EPRS1: variants seen among roughly 807,000 people sequenced by gnomAD.
EPRS1 encodes bifunctional glutamate/proline--tRNA ligase.
A neutral mutation model predicts 188.3 loss-of-function variants in EPRS1; 107 were observed. The ratio of observed to expected loss-of-function variants is 0.57; its 90% CI spans 0.49 to 0.67. EPRS1 has a LOEUF of 0.67. EPRS1 is among the 30% of genes least tolerant of loss of function. The probability of loss-of-function intolerance (pLI) is 0.00; values close to 1 mark genes in which losing one functional copy is unlikely to be tolerated. For missense variants in EPRS1, 1,577 were observed against 1,802.2 expected, an observed-to-expected ratio of 0.88 and a Z score of 2.26; for synonymous variants, 596 against 593.1, an observed-to-expected ratio of 1.00 and a Z score of -0.07.
chr1:219,983,123 A>C (rs1030607387), intron 22 of EPRS1, 66 bp downstream of exon 22: 3 of 1,347,890 alleles, frequency 2.2e-6, no homozygotes, highest in East Asian at 2.3e-5. Context: ...GGTTGTTAAA[A>C]GTTGAAAATA....
At chr1:219,976,488 G>A (rs953900613) in intron 28 of EPRS1, among the ~76,000 whole-genome samples, 3 of 152,214 alleles carry the variant, frequency 2.0e-5, no homozygotes, top group Admixed American at 6.5e-5. Flanking sequence ...AGGAGAATAT[G>A]TTGGTTGTAC....
At chr1:219,987,526 G>A in intron 19 of EPRS1, 122 bp from the exon 20 acceptor site, 1 of 794,056 alleles carries the variant, frequency 1.3e-6, no homozygotes, top group Non-Finnish European at 1.9e-6. Context: ...CACGGGGAAT[G>A]TGCCCAGGTG....
In EPRS1 at chr1:220,017,326, C is replaced by T. The variant is rs114214429; in HGVS notation, c.1494+1123G>A. On this transcript the variant is annotated intron_variant, in intron 12 of 31. Coordinates refer to ENST00000366923, the MANE Select transcript of EPRS1 (RefSeq NM_004446.3). ...GAGAGGAATGTGTTGTTCATCTTAA[C>T]AGACCCTACAGAACTATTTGACTAT... Among the ~76,000 whole-genome samples, 815 of 152,290 alleles carry T rather than the reference C, an allele frequency of 5.4e-3. 7 individuals carry two copies. The highest frequency in any genetic ancestry group is 0.019 in the African/African-American group (791 of 41,562).
At chr1:219,980,708 G>T in intron 25 of EPRS1, 48 bp downstream of exon 25, 1 of 1,365,770 alleles carries the variant, frequency 7.3e-7, no homozygotes, top group Non-Finnish European at 1.0e-6. Context: ...TGCAGAACCT[G>T]AACAAAAATA....
Position 220,022,478 on chromosome 1 carries a change from T to A in EPRS1, c.984A>T (p.Lys328Asn). The A allele has an allele frequency of 6.2e-7, 1 of 1,612,404 alleles. No homozygotes were observed. Among genetic ancestry groups the A allele is most frequent in the East Asian group, 2.2e-5 (1 of 44,806 alleles). Residue 328 changes from lysine to asparagine, a missense_variant, in exon 9 of 32, where the codon AAA becomes AAT. Around this residue, in one of 3 missense-constraint regions of EPRS1, gnomAD observed 1,278 missense variants for 1,457.4 expected, o/e 0.88. Coordinates refer to ENST00000366923, the MANE Select transcript of EPRS1 (RefSeq NM_004446.3). ...KNLQMWEEMK[K>N]GSQFGQSCCL... ...AACAGGACTGACCAAACTGGCTCCC[T>A]TTTTTCATTTCTTCCCACATTTGTA...
chr1:220,017,488 T>C (rs1661744393), intron 12 of EPRS1, among the ~76,000 whole-genome samples: 1 of 152,220 alleles, frequency 6.6e-6, no homozygotes, highest in African/African-American at 2.4e-5. Context: ...TTATTATTAG[T>C]AACTGCAGCA....
chr1:219,982,747 C>G, intron 23 of EPRS1, 25 bp downstream of exon 23: 2 of 1,592,180 alleles, frequency 1.3e-6, no homozygotes, highest in Non-Finnish European at 1.7e-6. Context: ...TGAGCATTCT[C>G]TTGCACTCCA....
chr1:220,036,125 G>A (rs376727556), intron 2 of EPRS1, among the ~76,000 whole-genome samples: 7 of 152,122 alleles, frequency 4.6e-5, no homozygotes, highest in Non-Finnish European at 7.4e-5. Context: ...GCTTGAACCC[G>A]GGAAGTGGAG....
intron 15 of EPRS1, 126 bp downstream of exon 15, chr1:220,005,980 A>T (rs2647420): frequency 0.81 from 439,936 of 542,448 alleles, 179,172 homozygotes; most frequent in East Asian, 0.92. Context: ...AACTTACATC[A>T]TTTGATTTAA....
At chr1:220,019,887 C>T in intron 10 of EPRS1, 101 bp downstream of exon 10, 1 of 762,234 alleles carries the variant, frequency 1.3e-6, no homozygotes. Context: ...CCTACCCATT[C>T]CCCCTCCTCC....
intron 9 of EPRS1, among the ~76,000 whole-genome samples, chr1:220,021,065 T>C (rs1661870318): frequency 6.6e-6 from 1 of 151,808 alleles, no homozygotes; most frequent in South Asian, 2.1e-4. Flanking sequence ...TGTTTTAAAG[T>C]AGAGATGGGG....
Position 220,020,097 on chromosome 1 carries a change from C to A in EPRS1, c.1240G>T (p.Gly414Cys). The change falls in exon 10 of 32, where the codon GGC (glycine) becomes TGC (cysteine). Residue 414 changes from glycine (G) to cysteine (C), a missense_variant. Physicochemically the swap from Gly to Cys is radical, Grantham distance 159 (BLOSUM62 -3). Coordinates refer to ENST00000366923, the MANE Select transcript of EPRS1 (RefSeq NM_004446.3). ...EQFYWIIEAL[G>C]IRKPYIWEYS... ...TCCCAAATATATGGTTTTCTTATGCCTAAAGCTTCAATAATCCAGTAAAAC... is the reference window on the plus strand; with the variant it reads ...TCCCAAATATATGGTTTTCTTATGCATAAAGCTTCAATAATCCAGTAAAAC... 6.2e-7 allele frequency: 1 copy of A among 1,613,940 alleles called. No homozygotes were observed.
chr1:219,978,248 G>A (rs1660814479), intron 28 of EPRS1, among the ~76,000 whole-genome samples: 1 of 151,956 alleles, frequency 6.6e-6, no homozygotes, highest in African/African-American at 2.4e-5. Flanking sequence ...ATGAATTCCT[G>A]GCATAAACAT....
chr1:219,983,415 T>C lies in EPRS1; in HGVS notation c.3091-17A>G, dbSNP rs759637125. On this transcript the variant is annotated splice_polypyrimidine_tract_variant and intron_variant, in intron 21 of 31. Coordinates refer to ENST00000366923, the MANE Select transcript of EPRS1 (RefSeq NM_004446.3). ...TGTGATGACCTTTTTAAAAGAAAAA[T>C]AGTCTTTAAAGCTTACATTGAACCA... 6 of 1,588,826 alleles carry C rather than the reference T, an allele frequency of 3.8e-6. No individual in the cohort carries two copies. The highest frequency in any genetic ancestry group is 2.2e-5 in the East Asian group (1 of 44,620).
At chr1:220,036,615 T>C (rs1046978855) in intron 2 of EPRS1, among the ~76,000 whole-genome samples, 1 of 151,956 alleles carries the variant, frequency 6.6e-6, no homozygotes, top group Non-Finnish European at 1.5e-5. Flanking sequence ...CTCTCACTTA[T>C]AAGTGGGAGC....
chr1:220,044,704 A>C (rs929306430), intron 1 of EPRS1, among the ~76,000 whole-genome samples: 8 of 144,548 alleles, frequency 5.5e-5, no homozygotes, highest in Admixed American at 2.8e-4. Flanking sequence ...AAAAAAAAAA[A>C]AAAAAAAAAC....
rs56386723 is a variant in EPRS1, at chr1:220,020,697, T to TAAA, written c.1116-479_1116-477dup. On this transcript the variant is annotated intron_variant, in intron 9 of 31. Coordinates refer to ENST00000366923, the MANE Select transcript of EPRS1 (RefSeq NM_004446.3). ...CAAAAACAGTGCTCCATTCACTGTG[T>TAAA]AAAAAAAAAAAACCGACAGAAGACC... Among the ~76,000 whole-genome samples the TAAA allele has an allele frequency of 3.5e-5, 5 of 144,046 alleles. No individual in the cohort carries two copies. In the South Asian group the frequency reaches 6.4e-4, roughly 19 times the overall value. 94.5% of individuals were successfully genotyped at this position (144,046 alleles called of 152,430 possible).
intron 5 of EPRS1, among the ~76,000 whole-genome samples, chr1:220,031,090 CAAA>C (rs11286771): frequency 2.1e-4 from 27 of 131,226 alleles, no homozygotes; most frequent in Admixed American, 2.3e-4. Context: ...AACTCTGTCT[CAAA>C]AAAAAAAAAA....
At chr1:220,012,685 A>C (rs1384204144) in intron 12 of EPRS1, among the ~76,000 whole-genome samples, 2 of 152,268 alleles carry the variant, frequency 1.3e-5, no homozygotes, top group African/African-American at 4.8e-5. Flanking sequence ...AGAGTCCTAA[A>C]TATTTCAAAG....
Sources: allele counts gnomAD v4.1 joint callset (sites outside exome capture counted in the v4.1 genomes callset), GRCh38; gene constraint gnomAD v4.1.1; regional missense constraint gnomAD v4.1.1; transcripts MANE v1.5; gene names NCBI Gene and HGNC (gene_info 2026-07-23, HGNC 2026-07-21).